Variants in GRIA3 observed in about 807,000 individuals in gnomAD.
The protein encoded by GRIA3 is glutamate ionotropic receptor AMPA type subunit 3.
GRIA3 carries 3 observed loss-of-function variants against 63.0 expected under a neutral mutation model. The ratio of observed to expected loss-of-function variants is 0.05; its 90% CI spans 0.02 to 0.12. GRIA3 has a LOEUF of 0.12. GRIA3 is among the 10% of genes least tolerant of loss of function. The probability of loss-of-function intolerance (pLI) is 1.00; values close to 1 mark genes in which losing one functional copy is unlikely to be tolerated. For missense variants in GRIA3, 347 were observed against 700.9 expected, an observed-to-expected ratio of 0.50 and a Z score of 5.70; for synonymous variants, 274 against 257.9, an observed-to-expected ratio of 1.06 and a Z score of -0.60.
intron 5 of GRIA3, among the ~76,000 whole-genome samples, chrX:123,373,436 G>A (rs5911608): frequency 0.057 from 6,409 of 111,487 alleles, 212 homozygotes; most frequent in Middle Eastern, 0.097. Flanking sequence ...CTGAGGAATC[G>A]CCACTGTCTT....
rs146263433 is a variant in GRIA3, at chrX:123,480,412, C to T, written c.2439+235C>T. 0.012 allele frequency among the ~76,000 whole-genome samples: 1,305 copies of T among 111,743 alleles called. 27 individuals are homozygous for T. Among genetic ancestry groups the T allele is most frequent in the African/African-American group, 0.04 (1,214 of 30,719 alleles). On this transcript the variant is annotated intron_variant, in intron 14 of 15. Transcript: ENST00000620443. ...TGATTAGGAAACTCAATCTGGCCTA[C>T]TGCATTTCCAAAGTTATAAAATAAT...
At chrX:123,364,521 G>A (rs1393893706) in intron 5 of GRIA3, among the ~76,000 whole-genome samples, 4 of 112,383 alleles carry the variant, frequency 3.6e-5, no homozygotes, top group Non-Finnish European at 7.5e-5. Flanking sequence ...TTGTTAGTGG[G>A]AATGTAAATT....
At chrX:123,314,920 C>A (rs1261593748) in intron 3 of GRIA3, among the ~76,000 whole-genome samples, 1 of 111,911 alleles carries the variant, frequency 8.9e-6, no homozygotes. Context: ...CTACAATTTG[C>A]CCCTGTATTG....
intron 3 of GRIA3, among the ~76,000 whole-genome samples, chrX:123,311,101 T>C (rs1395785042): frequency 9.0e-6 from 1 of 111,722 alleles, no homozygotes; most frequent in Non-Finnish European, 1.9e-5. Context: ...GAATATCATT[T>C]TACAGATGAG....
At chrX:123,348,189 T>C (rs1044597305) in intron 4 of GRIA3, among the ~76,000 whole-genome samples, 1 of 112,049 alleles carries the variant, frequency 8.9e-6, no homozygotes, top group Non-Finnish European at 1.9e-5. Context: ...GCAAAGTCTA[T>C]AGAGAACACA....
chrX:123,185,679 A>G (rs762036373), intron 1 of GRIA3, among the ~76,000 whole-genome samples, 153 bp from the exon 2 acceptor site: 11 of 110,874 alleles, frequency 9.9e-5, no homozygotes, highest in Non-Finnish European at 1.7e-4. Context: ...ATCTGAGTTC[A>G]CAAGTCTTGA....
intron 3 of GRIA3, among the ~76,000 whole-genome samples, chrX:123,270,177 T>C (rs1356613736): frequency 1.8e-5 from 2 of 112,103 alleles, no homozygotes; most frequent in African/African-American, 3.2e-5. Flanking sequence ...GGAATGGCCA[T>C]GTATCTAGTT....
intron 3 of GRIA3, among the ~76,000 whole-genome samples, chrX:123,279,688 A>C (rs1181010527): frequency 2.7e-5 from 3 of 111,122 alleles, no homozygotes. Context: ...TAGGCGGGGA[A>C]TATTCTAACT....
At chrX:123,260,545 G>GAA (rs2044453648) in intron 3 of GRIA3, among the ~76,000 whole-genome samples, 1 of 91,170 alleles carries the variant, frequency 1.1e-5, no homozygotes, top group Non-Finnish European at 2.2e-5. Context: ...AAGAAAGAAA[G>GAA]AAAGAAAAAA....
chrX:123,257,469 A>G, intron 3 of GRIA3, among the ~76,000 whole-genome samples: 1 of 104,316 alleles, frequency 9.6e-6, no homozygotes, highest in Non-Finnish European at 2.0e-5. Context: ...GAAAGAAGAG[A>G]AGGAAGGAAG....
chrX:123,473,249 A>C (rs1199585118), intron 13 of GRIA3, among the ~76,000 whole-genome samples: 1 of 112,510 alleles, frequency 8.9e-6, no homozygotes, highest in Non-Finnish European at 1.9e-5. Context: ...GACTTCAGAC[A>C]CTGGTGTACT....
chrX:123,256,490 A>C (rs1012954162), intron 3 of GRIA3, among the ~76,000 whole-genome samples: 24 of 111,794 alleles, frequency 2.1e-4, no homozygotes, highest in Non-Finnish European at 1.9e-4. Flanking sequence ...AGGAGGCAGC[A>C]TGTGAAGAGT....
intron 3 of GRIA3, among the ~76,000 whole-genome samples, chrX:123,271,529 C>A (rs779554181): frequency 1.9e-4 from 21 of 111,878 alleles, no homozygotes; most frequent in Admixed American, 1.8e-3. Context: ...TACACCAGAC[C>A]ACTGCACACC....
rs763247530 is a variant in GRIA3, at chrX:123,469,017, C to T, written c.2324+3905C>T. ...TGTTTCCATAAGAATCAGGTTCATT[C>T]GCAACTACCTTGGTTACTAGGCAAA... On this transcript the variant is annotated intron_variant, in intron 13 of 15. Coordinates refer to ENST00000620443, the MANE Select transcript of GRIA3 (RefSeq NM_007325.5). Among the ~76,000 whole-genome samples the T allele has an allele frequency of 3.6e-5, 4 of 112,636 alleles. No individual in the cohort carries two copies. In the South Asian group the frequency reaches 1.1e-3, roughly 31 times the overall value.
chrX:123,195,240 C>T (rs929138153), intron 2 of GRIA3, among the ~76,000 whole-genome samples: 1 of 112,457 alleles, frequency 8.9e-6, no homozygotes, highest in African/African-American at 3.2e-5. Flanking sequence ...TTATTAAAGC[C>T]GTACCACATG....
chrX:123,441,232 G>C (rs190064172), intron 12 of GRIA3, among the ~76,000 whole-genome samples: 219 of 111,963 alleles, frequency 2.0e-3, no homozygotes, highest in African/African-American at 6.9e-3. Flanking sequence ...TTAAACCATG[G>C]CCACTATTGA....
At chrX:123,193,565 A>C (rs1927496042) in intron 2 of GRIA3, among the ~76,000 whole-genome samples, 1 of 112,067 alleles carries the variant, frequency 8.9e-6, no homozygotes, top group Admixed American at 9.4e-5. Context: ...AAGTAATGTC[A>C]CTTTCTAGCA....
At chrX:123,331,228 C>A (rs1328354044) in intron 4 of GRIA3, among the ~76,000 whole-genome samples, 2 of 111,962 alleles carry the variant, frequency 1.8e-5, no homozygotes, top group Admixed American at 1.9e-4. Context: ...GCTAAAATCA[C>A]TTCATCATGG....
In GRIA3 at chrX:123,252,697, T is replaced by C. The variant is rs1371530668; in HGVS notation, c.269-606T>C. Among the ~76,000 whole-genome samples, 4 of 111,661 alleles carry C rather than the reference T, an allele frequency of 3.6e-5. No individual in the cohort carries two copies. The East Asian group carries it at 1.1e-3, about 32-fold the overall frequency. ...CACATGGGCAGGATAGGCAGCCACC[T>C]AACCCCTGTGACTCGATGAGCACTG... On this transcript the variant is annotated intron_variant, in intron 2 of 15. Transcript: ENST00000620443.
Sources: gnomAD v4.1 joint callset for allele counts (sites outside exome capture counted in the v4.1 genomes callset) on GRCh38, gnomAD v4.1.1 for gene constraint, MANE v1.5 for transcripts, NCBI Gene and HGNC (gene_info 2026-07-23, HGNC 2026-07-21) for gene names.